CHST9: variants seen among roughly 807,000 people sequenced by gnomAD.
The protein encoded by CHST9 is GalNAc-4-sulfotransferase 2.
Under a neutral mutation model 44.4 loss-of-function variants are expected in CHST9, and 41 were observed. The ratio of observed to expected loss-of-function variants is 0.92; its 90% CI spans 0.72 to 1.20. The LOEUF (loss-of-function observed/expected upper bound fraction) is 1.20, where lower values mean the gene tolerates loss of function less well. Ranked by LOEUF, CHST9 falls within the 50% of genes most tolerant of loss-of-function variation. CHST9 has a pLI of 0.00. For synonymous variants in CHST9, 171 were observed against 178.4 expected (o/e 0.96, Z 0.33); for missense variants, 504 against 516.5 (o/e 0.98, Z 0.23).
chr18:26,916,133 T>A lies in CHST9; in HGVS notation c.*126A>T. 1.3e-6 allele frequency: 1 copy of A among 783,838 alleles called. No individual in the cohort carries two copies. The highest frequency in any genetic ancestry group is 2.6e-5 in the East Asian group (1 of 38,130). 48.6% of individuals were successfully genotyped at this position (783,838 alleles called of 1,614,324 possible). A position where few individuals can be genotyped will look rare whatever the true frequency, so the allele number is the denominator to read the frequency against. On this transcript the variant is annotated 3_prime_UTR_variant, in exon 6 of 6. Transcript: ENST00000618847. ...TTGGTGTCATACTATTTGGTAAAAA[T>A]CTACATTAAATCAAGACAACTGCAC... is the stretch of plus-strand genomic sequence containing the variant.
At chr18:27,030,210 TA>T (rs2057325963) in intron 3 of CHST9, among the ~76,000 whole-genome samples, 1 of 152,224 alleles carries the variant, frequency 6.6e-6, no homozygotes, top group Non-Finnish European at 1.5e-5. Flanking sequence ...AAAATTATGT[TA>T]AATTGTTCAA....
intron 1 of CHST9, among the ~76,000 whole-genome samples, chr18:27,146,944 T>C (rs2058617107): frequency 6.6e-6 from 1 of 152,252 alleles, no homozygotes; most frequent in Admixed American, 6.5e-5. Context: ...AATTATTTTT[T>C]TAAATAATTG....
At chr18:27,040,547 A>C (rs2057433773) in intron 3 of CHST9, among the ~76,000 whole-genome samples, 1 of 152,018 alleles carries the variant, frequency 6.6e-6, no homozygotes, top group Non-Finnish European at 1.5e-5. Flanking sequence ...ACTGCCACTC[A>C]AGTCATAACC....
chr18:27,110,997 C>T (rs936370030), intron 2 of CHST9, among the ~76,000 whole-genome samples: 2 of 152,238 alleles, frequency 1.3e-5, no homozygotes, highest in African/African-American at 4.8e-5. Flanking sequence ...TTCCACTGAT[C>T]GTCCTGGATA....
At chr18:27,111,551 C>T (rs2058270867) in intron 2 of CHST9, among the ~76,000 whole-genome samples, 1 of 152,096 alleles carries the variant, frequency 6.6e-6, no homozygotes, top group Non-Finnish European at 1.5e-5. Flanking sequence ...CACAAAGCCC[C>T]TTACACACAT....
chr18:27,123,093 C>G (rs2058388897), intron 2 of CHST9, among the ~76,000 whole-genome samples: 1 of 152,160 alleles, frequency 6.6e-6, no homozygotes, highest in Non-Finnish European at 1.5e-5. Context: ...ACAGATCAAG[C>G]ACAGTTCTTA....
At chr18:26,930,410 G>C (rs531930710) in intron 5 of CHST9, among the ~76,000 whole-genome samples, 2 of 152,346 alleles carry the variant, frequency 1.3e-5, no homozygotes, top group East Asian at 3.9e-4. Context: ...GATGAGGTCA[G>C]AGTGAATAGA....
intron 3 of CHST9, among the ~76,000 whole-genome samples, chr18:27,033,580 A>G (rs577719500): frequency 7.9e-5 from 12 of 152,274 alleles, no homozygotes; most frequent in South Asian, 2.1e-4. Context: ...CTCATTTTCA[A>G]GATTGCTTTG....
chr18:26,955,831 G>A (rs961908969), intron 4 of CHST9, among the ~76,000 whole-genome samples: 1 of 152,148 alleles, frequency 6.6e-6, no homozygotes, highest in African/African-American at 2.4e-5. Flanking sequence ...GGTAAAGCAA[G>A]GGCTGATTCA....
chr18:27,031,780 G>A (rs2057343284), intron 3 of CHST9, among the ~76,000 whole-genome samples: 1 of 152,222 alleles, frequency 6.6e-6, no homozygotes, highest in South Asian at 2.1e-4. Flanking sequence ...TCATCCTTCT[G>A]TTTGAAAAAT....
chr18:26,991,130 G>A lies in CHST9; in HGVS notation c.202+32986C>T, dbSNP rs578033838. On this transcript the variant is annotated intron_variant, in intron 4 of 5. Transcript: ENST00000618847. ...TGAGATTAGACGGTGGTGAGTATAG[G>A]ATAAGAGGGAAAGAAAGCAGGGTCA... is the stretch of plus-strand genomic sequence containing the variant. Among the ~76,000 whole-genome samples, 85 of 152,166 alleles carry A rather than the reference G, an allele frequency of 5.6e-4. 1 individual carries two copies. Among genetic ancestry groups the A allele is most frequent in the Non-Finnish European group, 1.0e-3 (71 of 68,032 alleles).
At chr18:27,027,922 C>T (rs905634848) in intron 3 of CHST9, among the ~76,000 whole-genome samples, 4 of 152,058 alleles carry the variant, frequency 2.6e-5, no homozygotes, top group African/African-American at 4.8e-5. Context: ...TTTTTTGAGA[C>T]AGAGTCTTGC....
intron 2 of CHST9, among the ~76,000 whole-genome samples, chr18:27,110,109 T>A (rs988768171): frequency 2.0e-5 from 3 of 151,424 alleles, no homozygotes; most frequent in African/African-American, 7.3e-5. Context: ...AGATTCAATG[T>A]AGAGTTCCTC....
chr18:27,014,350 A>C (rs958648613), intron 4 of CHST9, among the ~76,000 whole-genome samples: 2 of 150,588 alleles, frequency 1.3e-5, no homozygotes, highest in African/African-American at 2.4e-5. Flanking sequence ...TACAGATCTG[A>C]GGCTGAGGCA....
chr18:27,062,184 T>C (rs984437652), intron 2 of CHST9, among the ~76,000 whole-genome samples: 42 of 152,306 alleles, frequency 2.8e-4, no homozygotes, highest in African/African-American at 9.9e-4. Flanking sequence ...TATTATACTT[T>C]AAGTTCTAGG....
At chr18:26,949,920 T>C (rs2145128165) in intron 4 of CHST9, among the ~76,000 whole-genome samples, 1 of 152,268 alleles carries the variant, frequency 6.6e-6, no homozygotes, top group South Asian at 2.1e-4. Context: ...GGGCAACCTC[T>C]GGAAACTGGA....
At chr18:27,131,386 A>C (rs1224528337) in intron 2 of CHST9, among the ~76,000 whole-genome samples, 1 of 151,186 alleles carries the variant, frequency 6.6e-6, no homozygotes, top group East Asian at 2.0e-4. Context: ...CCCATCTCTA[A>C]TAAAAATACA....
At chr18:26,983,248 T>G (rs972023667) in intron 4 of CHST9, among the ~76,000 whole-genome samples, 6 of 152,192 alleles carry the variant, frequency 3.9e-5, no homozygotes, top group African/African-American at 1.4e-4. Flanking sequence ...TTAAAGTAGT[T>G]TTCTGGGTCC....
intron 2 of CHST9, among the ~76,000 whole-genome samples, chr18:27,074,646 C>T (rs751433394): frequency 2.6e-5 from 4 of 151,946 alleles, no homozygotes; most frequent in Non-Finnish European, 2.9e-5. Flanking sequence ...TCTAGGGTTG[C>T]GGGGGTTTGA....
Sources: gnomAD v4.1 joint callset for allele counts (sites outside exome capture counted in the v4.1 genomes callset) on GRCh38, gnomAD v4.1.1 for gene constraint, MANE v1.5 for transcripts, NCBI Gene and HGNC (gene_info 2026-07-23, HGNC 2026-07-21) for gene names.